Variants in POU2F1 observed in about 807,000 individuals in gnomAD.
POU2F1 encodes POU class 2 homeobox 1, also known as POU domain, class 2, transcription factor 1.
Under a neutral mutation model 84.9 loss-of-function variants are expected in POU2F1, and 16 were observed. The observed-to-expected ratio is 0.19, with a 90% confidence interval of 0.13 to 0.29. The LOEUF is 0.29. Among genes scored for constraint, POU2F1 ranks in the 10% least tolerant of loss-of-function variants. The pLI is 1.00. For missense variants in POU2F1, 738 were observed against 942.6 expected (o/e 0.78, Z 2.84); for synonymous variants, 368 against 368.3 (o/e 1.00, Z 0.01).
At chr1:167,302,619 C>G (rs148398256) in intron 1 of POU2F1, among the ~76,000 whole-genome samples, 1,967 of 152,254 alleles carry the variant, frequency 0.013, 40 homozygotes, top group African/African-American at 0.043. Context: ...CATTGCATCT[C>G]AGCTGTTCAG....
intron 15 of POU2F1, among the ~76,000 whole-genome samples, chr1:167,413,530 A>T (rs1650113255): frequency 1.3e-5 from 2 of 152,168 alleles, no homozygotes; most frequent in Non-Finnish European, 2.9e-5. Flanking sequence ...CTCCTGAGAA[A>T]GCTGTGCATG....
intron 7 of POU2F1, among the ~76,000 whole-genome samples, chr1:167,378,514 C>G (rs941125413): frequency 4.7e-5 from 7 of 150,340 alleles, no homozygotes; most frequent in Non-Finnish European, 8.8e-5. Flanking sequence ...TCAAGCGATT[C>G]TCCTGTCTCA....
Position 167,415,575 on chromosome 1 carries a change from G to A in POU2F1, c.2066G>A (p.Gly689Glu). 1 of 1,614,110 alleles carries A rather than the reference G, an allele frequency of 6.2e-7. No individual in the cohort carries two copies. The highest frequency in any genetic ancestry group is 1.1e-5 in the South Asian group (1 of 91,074). ...TGNLVFANAG[G>E]APNIVTAPLF... is the part of the protein sequence containing the mutation. ...AACCTGGTATTTGCCAATGCGGGAGGAGCCCCCAACATCGTGACTGCCCCT... is the reference window on the plus strand; with the variant it reads ...AACCTGGTATTTGCCAATGCGGGAGAAGCCCCCAACATCGTGACTGCCCCT... Residue 689 changes from glycine (G) to glutamate (E), a missense_variant, in exon 16 of 16, where the codon GGA (glycine) becomes GAA (glutamate). By Grantham distance (98) the Gly-to-Glu change is moderately conservative. This residue lies in a region of POU2F1 where 319 missense variants were observed against 386.0 expected (regional missense o/e 0.83). Coordinates refer to ENST00000367866, the MANE Select transcript of POU2F1 (RefSeq NM_002697.4).
intron 6 of POU2F1, among the ~76,000 whole-genome samples, chr1:167,374,912 A>G (rs1660227095): frequency 6.6e-6 from 1 of 152,092 alleles, no homozygotes; most frequent in Non-Finnish European, 1.5e-5. Flanking sequence ...CTAAAAATAC[A>G]AAAAATTAGC....
At chr1:167,349,515 C>T (rs568552418) in intron 2 of POU2F1, among the ~76,000 whole-genome samples, 1 of 152,212 alleles carries the variant, frequency 6.6e-6, no homozygotes, top group Admixed American at 6.5e-5. Context: ...TTATTTTTGT[C>T]TCTCCACTGC....
intron 2 of POU2F1, among the ~76,000 whole-genome samples, chr1:167,349,873 A>G (rs186912551): frequency 1.4e-3 from 213 of 152,322 alleles, no homozygotes; most frequent in African/African-American, 4.5e-3. Flanking sequence ...TCTTGTGTAT[A>G]TGGGCGTAAT....
intron 2 of POU2F1, among the ~76,000 whole-genome samples, chr1:167,340,723 G>T (rs1186920436): frequency 6.6e-6 from 1 of 152,068 alleles, no homozygotes; most frequent in East Asian, 1.9e-4. Context: ...CACCATGCCT[G>T]CCCTGTTGTT....
chr1:167,351,853 T>A (rs1285061939), intron 2 of POU2F1, among the ~76,000 whole-genome samples: 1 of 152,172 alleles, frequency 6.6e-6, no homozygotes, highest in African/African-American at 2.4e-5. Flanking sequence ...CTTTCCCTAA[T>A]GTGTAATGTT....
At chr1:167,413,379 G>A (rs1650104077) in intron 15 of POU2F1, among the ~76,000 whole-genome samples, 1 of 152,162 alleles carries the variant, frequency 6.6e-6, no homozygotes, top group South Asian at 2.1e-4. Context: ...TAAAAAACCA[G>A]AACTTTCATG....
intron 13 of POU2F1, among the ~76,000 whole-genome samples, 183 bp downstream of exon 13, chr1:167,401,739 ATT>A (rs1021026292): frequency 2.0e-5 from 3 of 152,232 alleles, no homozygotes; most frequent in African/African-American, 4.8e-5. Context: ...GGCTTTTTGC[ATT>A]CAGAAAAACC....
At chr1:167,301,000 C>T (rs1281792530) in intron 1 of POU2F1, among the ~76,000 whole-genome samples, 1 of 152,056 alleles carries the variant, frequency 6.6e-6, no homozygotes, top group East Asian at 1.9e-4. Context: ...GAACTCCTAA[C>T]CTCAGGTGAT....
Position 167,292,410 on chromosome 1 carries a change from A to G in POU2F1, c.62-40060A>G, listed in dbSNP as rs143000412. ...CACCAGGTTTACTCTGCAGGACACC[A>G]AGCAAAGCTTTAGAAATTTCTGCCA... On this transcript the variant is annotated intron_variant, in intron 1 of 15. Coordinates refer to ENST00000367866, the MANE Select transcript of POU2F1 (RefSeq NM_002697.4). Among the ~76,000 whole-genome samples, 579 of 152,104 alleles carry G rather than the reference A, an allele frequency of 3.8e-3. 3 individuals are homozygous for G. The highest frequency in any genetic ancestry group is 0.013 in the African/African-American group (557 of 41,504).
intron 2 of POU2F1, among the ~76,000 whole-genome samples, chr1:167,359,187 T>C (rs1203455791): frequency 1.3e-5 from 1 of 74,618 alleles, no homozygotes; most frequent in East Asian, 6.4e-4. Context: ...ACTAGACTTT[T>C]TTTAAAAAAA....
At chr1:167,251,906 A>C (rs977755584) in intron 1 of POU2F1, among the ~76,000 whole-genome samples, 2 of 149,150 alleles carry the variant, frequency 1.3e-5, no homozygotes, top group Non-Finnish European at 3.0e-5. Context: ...GTGCAGTGGC[A>C]CTATCTTGGC....
chr1:167,356,016 T>C (rs1039738227), intron 2 of POU2F1, among the ~76,000 whole-genome samples: 2 of 151,866 alleles, frequency 1.3e-5, no homozygotes, highest in African/African-American at 4.8e-5. Context: ...GGCAGGATCA[T>C]GGCTCACTGC....
intron 13 of POU2F1, among the ~76,000 whole-genome samples, chr1:167,406,172 T>A (rs1253396487): frequency 6.6e-6 from 1 of 152,204 alleles, no homozygotes; most frequent in Non-Finnish European, 1.5e-5. Context: ...CGAACGATTA[T>A]ATACATCATG....
intron 1 of POU2F1, among the ~76,000 whole-genome samples, chr1:167,325,720 C>G (rs1197929016): frequency 6.6e-6 from 1 of 151,996 alleles, no homozygotes; most frequent in African/African-American, 2.4e-5. Context: ...TGAAACCCGT[C>G]TCTACTAAAA....
At chr1:167,372,100 G>C in intron 5 of POU2F1, 64 bp downstream of exon 5, 3 of 1,561,156 alleles carry the variant, frequency 1.9e-6, no homozygotes, top group South Asian at 1.2e-5. Context: ...TTGGCCAATA[G>C]CTGATTAGAA....
chr1:167,346,012 A>G (rs1189111912), intron 2 of POU2F1, among the ~76,000 whole-genome samples: 3 of 151,852 alleles, frequency 2.0e-5, no homozygotes, highest in African/African-American at 7.3e-5. Context: ...AAAAAAAAAA[A>G]AAACTTAAAA....
Sources: gnomAD v4.1 joint callset for allele counts (sites outside exome capture counted in the v4.1 genomes callset) on GRCh38, gnomAD v4.1.1 for gene constraint, gnomAD v4.1.1 regional missense constraint, MANE v1.5 for transcripts, NCBI Gene and HGNC (gene_info 2026-07-23, HGNC 2026-07-21) for gene names.